Variants in TBC1D22A observed in about 807,000 individuals in gnomAD.
TBC1D22A encodes putative GTPase activator.
Under a neutral mutation model 60.2 loss-of-function variants are expected in TBC1D22A, and 38 were observed. The observed-to-expected ratio is 0.63, with a 90% CI of 0.49 to 0.83. The LOEUF (loss-of-function observed/expected upper bound fraction) is 0.83. Ranked by LOEUF, TBC1D22A falls within the 40% of genes least tolerant of loss-of-function variation. The pLI is 0.00. For synonymous variants in TBC1D22A, 302 were observed against 281.7 expected (o/e 1.07, Z -0.72); for missense variants, 628 against 701.0 (o/e 0.90, Z 1.18).
At chr22:47,131,550 G>T (rs932296044) in intron 12 of TBC1D22A, among the ~76,000 whole-genome samples, 2 of 151,756 alleles carry the variant, frequency 1.3e-5, no homozygotes, top group Non-Finnish European at 2.9e-5. Flanking sequence ...CCATGTGGGG[G>T]CAACAAGCCA....
intron 4 of TBC1D22A, among the ~76,000 whole-genome samples, chr22:46,855,064 A>T (rs1015138146): frequency 6.6e-6 from 1 of 152,146 alleles, no homozygotes; most frequent in African/African-American, 2.4e-5. Context: ...CCCATTTTCT[A>T]TGGGCCCAGT....
At chr22:47,065,655 G>GGGGC (rs57925231) in intron 11 of TBC1D22A, among the ~76,000 whole-genome samples, 1 of 151,128 alleles carries the variant, frequency 6.6e-6, no homozygotes, top group East Asian at 1.9e-4. Context: ...GGGTTGGATT[G>GGGGC]AGGGAGACCT....
At chr22:47,111,045 G>A (rs1199127364) in intron 11 of TBC1D22A, among the ~76,000 whole-genome samples, 5 of 152,200 alleles carry the variant, frequency 3.3e-5, no homozygotes, top group African/African-American at 7.2e-5. Context: ...AGGGAGACCC[G>A]GACCGGGTTG....
chr22:47,088,728 C>T (rs918419003), intron 11 of TBC1D22A, among the ~76,000 whole-genome samples: 3 of 152,148 alleles, frequency 2.0e-5, no homozygotes, highest in African/African-American at 4.8e-5. Flanking sequence ...TTCAGAACCA[C>T]GAGAGGGAGC....
intron 4 of TBC1D22A, among the ~76,000 whole-genome samples, chr22:46,868,535 G>A (rs951251093): frequency 6.6e-6 from 1 of 152,190 alleles, no homozygotes. Context: ...GACTCAACCG[G>A]CAGTATAAGA....
rs368425901 is a variant in TBC1D22A at position 46,941,934 on chromosome 22, T to TACAC, written c.1015+29776_1015+29779dup. On this transcript the variant is annotated intron_variant, in intron 8 of 12. Transcript: ENST00000337137. The stretch of plus-strand genomic sequence containing the variant: ...ATGTATATGTATATGTATGTATGTA[T>TACAC]ACACACACACACACACACACACACA... Among the ~76,000 whole-genome samples the TACAC allele has an allele frequency of 7.3e-3, 1,005 of 138,496 alleles. 3 individuals are homozygous for TACAC. Among genetic ancestry groups the TACAC allele is most frequent in the Middle Eastern group, 0.014 (4 of 280 alleles). 90.9% of individuals were successfully genotyped at this position (138,496 alleles called of 152,430 possible). A position where few individuals can be genotyped will look rare whatever the true frequency, so the allele number is the denominator to read the frequency against.
intron 10 of TBC1D22A, among the ~76,000 whole-genome samples, chr22:47,008,055 C>A (rs1015760974): frequency 3.9e-5 from 6 of 152,140 alleles, no homozygotes; most frequent in Non-Finnish European, 7.4e-5. Flanking sequence ...CAAAATAATG[C>A]CATGAGGGAA....
chr22:46,780,084 A>G (rs975606642), intron 1 of TBC1D22A, among the ~76,000 whole-genome samples: 2 of 152,226 alleles, frequency 1.3e-5, no homozygotes, highest in Non-Finnish European at 2.9e-5. Context: ...TTCTGAATAT[A>G]TTTTATAAAT....
At position 47,167,136 on chromosome 22, in the gene TBC1D22A, G is replaced by A. The variant is rs377533969; in HGVS notation, c.1426-6362G>A. 2.8e-4 allele frequency among the ~76,000 whole-genome samples: 43 copies of A among 152,342 alleles called. No individual in the cohort carries two copies. In the East Asian group the frequency reaches 4.4e-3, roughly 16 times the overall value. On this transcript the variant is annotated intron_variant, in intron 12 of 12. Coordinates refer to ENST00000337137, the MANE Select transcript of TBC1D22A (RefSeq NM_014346.5). ...TTTTCTCCCAACGATGACCACGTTCGTCTTTGGCTGATGGTCCTTTTGGAG... is the reference window on the plus strand; with the variant it reads ...TTTTCTCCCAACGATGACCACGTTCATCTTTGGCTGATGGTCCTTTTGGAG...
At chr22:46,963,239 AAT>A (rs1175417869) in intron 8 of TBC1D22A, among the ~76,000 whole-genome samples, 3 of 103,066 alleles carry the variant, frequency 2.9e-5, no homozygotes, top group African/African-American at 1.1e-4. Flanking sequence ...AAAAAAAAAA[AAT>A]CAGTGCCTGA....
intron 5 of TBC1D22A, among the ~76,000 whole-genome samples, chr22:46,883,164 A>G (rs1351261838): frequency 2.0e-5 from 3 of 152,206 alleles, no homozygotes; most frequent in Non-Finnish European, 2.9e-5. Flanking sequence ...TAGTGAGTCT[A>G]ATGGTTAAAA....
intron 11 of TBC1D22A, among the ~76,000 whole-genome samples, chr22:47,072,839 T>C (rs5769351): frequency 0.46 from 69,610 of 152,146 alleles, 16,422 homozygotes; most frequent in East Asian, 0.59. Context: ...GTCATGGTCT[T>C]GTTCATCAGA....
intron 10 of TBC1D22A, among the ~76,000 whole-genome samples, chr22:47,006,834 G>A (rs1287449043): frequency 6.6e-6 from 1 of 152,188 alleles, no homozygotes; most frequent in Non-Finnish European, 1.5e-5. Flanking sequence ...TTCCCTGACA[G>A]GCTGCTTTTC....
At chr22:47,013,788 C>G (rs2061824470) in intron 10 of TBC1D22A, among the ~76,000 whole-genome samples, 1 of 152,228 alleles carries the variant, frequency 6.6e-6, no homozygotes, top group South Asian at 2.1e-4. Flanking sequence ...ACCCCCTCGT[C>G]TCTCTAGACC....
chr22:46,978,898 C>T (rs117869578), intron 9 of TBC1D22A, among the ~76,000 whole-genome samples: 19 of 152,280 alleles, frequency 1.2e-4, no homozygotes, highest in South Asian at 6.2e-4. Context: ...TATGAGCCAC[C>T]GCGCCCGGCC....
chr22:46,954,269 T>C (rs550579301), intron 8 of TBC1D22A, among the ~76,000 whole-genome samples: 10 of 152,356 alleles, frequency 6.6e-5, no homozygotes, highest in African/African-American at 2.4e-4. Flanking sequence ...TCAGTTTGTG[T>C]TTTACCTCTT....
intron 4 of TBC1D22A, among the ~76,000 whole-genome samples, chr22:46,854,744 T>C (rs1162876560): frequency 6.6e-6 from 1 of 152,160 alleles, no homozygotes; most frequent in Non-Finnish European, 1.5e-5. Context: ...GAAACGTGGC[T>C]TTGACCTCTG....
chr22:47,102,492 G>A (rs2065458921), intron 11 of TBC1D22A, among the ~76,000 whole-genome samples: 1 of 152,208 alleles, frequency 6.6e-6, no homozygotes, highest in Admixed American at 6.5e-5. Flanking sequence ...TGAGTGCTGG[G>A]TGATATTTAT....
intron 2 of TBC1D22A, among the ~76,000 whole-genome samples, chr22:46,793,158 A>G (rs1379393555): frequency 6.6e-6 from 1 of 152,154 alleles, no homozygotes; most frequent in African/African-American, 2.4e-5. Context: ...CCTGGCCCAC[A>G]CCCCTCACTG....
Sources: allele counts gnomAD v4.1 joint callset (sites outside exome capture counted in the v4.1 genomes callset), GRCh38; gene constraint gnomAD v4.1.1; transcripts MANE v1.5; gene names NCBI Gene and HGNC (gene_info 2026-07-23, HGNC 2026-07-21).